USP34: variants seen among roughly 807,000 people sequenced by gnomAD.
The protein encoded by USP34 is ubiquitin specific peptidase 34, also known as ubiquitin carboxyl-terminal hydrolase 34.
Under a neutral mutation model 460.3 loss-of-function variants are expected in USP34, and 70 were observed. That is an observed-to-expected ratio of 0.15 (90% CI 0.13 to 0.19). The LOEUF (loss-of-function observed/expected upper bound fraction) is 0.19. Among genes scored for constraint, USP34 ranks in the 10% least tolerant of loss-of-function variants. USP34 has a pLI of 1.00. For missense variants in USP34, 3,985 were observed against 4,236.2 expected (o/e 0.94, Z 1.65); for synonymous variants, 1,647 against 1,405.3 (o/e 1.17, Z -3.85).
chr2:61,447,665 G>C (rs572528104), intron 1 of USP34, among the ~76,000 whole-genome samples: 2 of 152,074 alleles, frequency 1.3e-5, no homozygotes, highest in East Asian at 3.8e-4. Flanking sequence ...AATATAAAAA[G>C]ACATGAATAC....
intron 53 of USP34, 109 bp downstream of exon 53, chr2:61,241,451 C>T (rs1314853330): frequency 2.9e-6 from 2 of 689,992 alleles, no homozygotes; most frequent in Middle Eastern, 4.0e-4. Flanking sequence ...TTAAGATCTA[C>T]TCAGAATTGC....
chr2:61,288,602 T>C, intron 34 of USP34, 75 bp downstream of exon 34: 1 of 1,472,188 alleles, frequency 6.8e-7, no homozygotes, highest in South Asian at 1.1e-5. Context: ...AATACATTTC[T>C]TAAGCATTAG....
rs769483650 is a variant in USP34 at position 61,188,254 on chromosome 2, C to T, written c.10489G>A (p.Glu3497Lys). ...DGQALPSQDP[E>K]VALSLSCGHS... ...CCACAACTGAGAGATAAAGCAACCT[C>T]AGGGTCCTGGGAGGGCAAAGCTTGG... The change falls in exon 80 of 80, where the codon GAG becomes AAG. Residue 3497 changes from glutamate to lysine, a missense_variant. Coordinates refer to ENST00000398571, the MANE Select transcript of USP34 (RefSeq NM_014709.4). The T allele has an allele frequency of 6.8e-6, 11 of 1,614,114 alleles. No individual in the cohort carries two copies. The Admixed American group carries it at 1.0e-4, about 15-fold the overall frequency.
At chr2:61,400,943 T>C (rs1042964766) in intron 3 of USP34, among the ~76,000 whole-genome samples, 2 of 151,762 alleles carry the variant, frequency 1.3e-5, no homozygotes, top group Admixed American at 6.6e-5. Flanking sequence ...CAAGATCAAG[T>C]GATTGAGACC....
chr2:61,275,309 C>T (rs568945421), intron 41 of USP34, among the ~76,000 whole-genome samples: 2 of 152,170 alleles, frequency 1.3e-5, no homozygotes, highest in Admixed American at 6.5e-5. Context: ...TTTGAAGTTA[C>T]TTTTACAAAA....
intron 1 of USP34, among the ~76,000 whole-genome samples, chr2:61,468,611 A>G (rs1695855905): frequency 6.6e-6 from 1 of 152,224 alleles, no homozygotes; most frequent in South Asian, 2.1e-4. Context: ...ACACAAATAG[A>G]AAATCCTTAC....
chr2:61,398,704 A>G (rs1348632992), intron 3 of USP34, among the ~76,000 whole-genome samples: 1 of 152,226 alleles, frequency 6.6e-6, no homozygotes, highest in African/African-American at 2.4e-5. Flanking sequence ...AAAGAAACCC[A>G]TTCATCATTG....
chr2:61,311,785 T>G lies in USP34; in HGVS notation c.3668A>C (p.Lys1223Thr). ...VVCQPAGLPD[K>T]MTIEMYPSDQ... ...TCGAAATTAAAACTATGTAAGTACC[T>G]TGTCAGGAAGTCCAGCTGGCTGGCA... is the stretch of plus-strand genomic sequence containing the variant. The change falls in exon 26 of 80, where the codon AAG becomes ACG. Residue 1223 changes from lysine (K) to threonine (T), a missense_variant and splice_region_variant. Lys to Thr is a moderately conservative substitution (Grantham distance 78). Around this residue, in one of 14 missense-constraint regions of USP34, gnomAD observed 1,114 missense variants for 1,122.5 expected, o/e 0.99. Transcript: ENST00000398571. 6.2e-7 allele frequency: 1 copy of G among 1,613,546 alleles called. No homozygotes were observed. The highest frequency in any genetic ancestry group is 8.5e-7 in the Non-Finnish European group (1 of 1,179,840).
chr2:61,416,300 A>T (rs1316611531), intron 2 of USP34, among the ~76,000 whole-genome samples: 2 of 152,238 alleles, frequency 1.3e-5, no homozygotes, highest in Admixed American at 1.3e-4. Flanking sequence ...AAAATTTATT[A>T]AAACAATGAA....
chr2:61,189,308 C>G, intron 78 of USP34: 2 of 379,376 alleles, frequency 5.3e-6, no homozygotes, highest in South Asian at 4.0e-5. Flanking sequence ...GAGTCTTGTT[C>G]TTTGGCAAGG....
At position 61,206,134 on chromosome 2, in the gene USP34, T is replaced by TAAAA; in HGVS notation, c.9047-14_9047-11dup. 1 of 1,607,696 alleles carries TAAAA rather than the reference T, an allele frequency of 6.2e-7. No homozygotes were observed. The highest frequency in any genetic ancestry group is 1.7e-5 in the Admixed American group (1 of 59,964). On this transcript the variant is annotated splice_polypyrimidine_tract_variant and intron_variant, in intron 71 of 79. Transcript: ENST00000398571. ...AATGCTTGTTTCACATCTGCAAATA[T>TAAAA]AAAAGCACATATAAATATGCCATCT...
At chr2:61,434,790 G>T (rs1394936574) in intron 1 of USP34, among the ~76,000 whole-genome samples, 1 of 151,710 alleles carries the variant, frequency 6.6e-6, no homozygotes, top group Non-Finnish European at 1.5e-5. Context: ...CCAACAATGT[G>T]TAGAAACAAT....
At chr2:61,449,084 G>A (rs987064310) in intron 1 of USP34, among the ~76,000 whole-genome samples, 3 of 152,104 alleles carry the variant, frequency 2.0e-5, no homozygotes, top group East Asian at 3.9e-4. Context: ...TTGAACCTGG[G>A]AGGTGGATGT....
intron 37 of USP34, among the ~76,000 whole-genome samples, chr2:61,282,613 A>AC (rs1689567294): frequency 6.6e-6 from 1 of 152,000 alleles, no homozygotes; most frequent in African/African-American, 2.4e-5. Context: ...ACACAGCGAG[A>AC]CCCCGTCTCT....
chr2:61,213,710 T>C (rs551960899), intron 68 of USP34, among the ~76,000 whole-genome samples: 1 of 152,196 alleles, frequency 6.6e-6, no homozygotes, highest in Non-Finnish European at 1.5e-5. Context: ...TTGCTAAGTA[T>C]CTGATTTTTA....
chr2:61,220,975 A>G (rs1009736452), intron 66 of USP34, among the ~76,000 whole-genome samples: 2 of 32,634 alleles, frequency 6.1e-5, no homozygotes, highest in Non-Finnish European at 1.2e-4. Flanking sequence ...ACACACCCAT[A>G]ACCCACTCAT....
At chr2:61,309,511 C>G (rs1405057014) in intron 27 of USP34, among the ~76,000 whole-genome samples, 1 of 152,050 alleles carries the variant, frequency 6.6e-6, no homozygotes, top group Non-Finnish European at 1.5e-5. Flanking sequence ...TGACCAAGAC[C>G]CCTGCTGCCA....
At chr2:61,378,329 G>T in intron 8 of USP34, 34 bp downstream of exon 8, 1 of 1,414,904 alleles carries the variant, frequency 7.1e-7, no homozygotes, top group East Asian at 2.4e-5. Context: ...CATTAAAATG[G>T]TATACTTATA....
chr2:61,301,565 A>G, intron 27 of USP34, 111 bp from the exon 28 acceptor site: 1 of 934,174 alleles, frequency 1.1e-6, no homozygotes, highest in Non-Finnish European at 1.6e-6. Context: ...GTTTAAATGT[A>G]ATCTAAGGTA....
Sources: gnomAD v4.1 joint callset for allele counts (sites outside exome capture counted in the v4.1 genomes callset) on GRCh38, gnomAD v4.1.1 for gene constraint, gnomAD v4.1.1 regional missense constraint, MANE v1.5 for transcripts, NCBI Gene and HGNC (gene_info 2026-07-23, HGNC 2026-07-21) for gene names.